Variants in MAOB observed in about 807,000 individuals in gnomAD.
MAOB encodes monoamine oxidase B.
MAOB carries 15 observed loss-of-function variants against 41.9 expected under a neutral mutation model. The ratio of observed to expected loss-of-function variants is 0.36; its 90% CI spans 0.24 to 0.55. The LOEUF is 0.55. Ranked by LOEUF, MAOB falls within the 20% of genes least tolerant of loss-of-function variation. The probability of loss-of-function intolerance (pLI) is 0.86; values close to 1 mark genes in which losing one functional copy is unlikely to be tolerated. For synonymous variants in MAOB, 167 were observed against 144.2 expected, an observed-to-expected ratio of 1.16 and a Z score of -1.13; for missense variants, 345 against 398.7, an observed-to-expected ratio of 0.87 and a Z score of 1.15.
intron 1 of MAOB, 97 bp downstream of exon 1, chrX:43,882,157 G>C: frequency 1.7e-6 from 2 of 1,148,844 alleles, no homozygotes; most frequent in South Asian, 4.1e-5. Context: ...GGGACTCCAG[G>C]GTCAGCCCCT....
intron 1 of MAOB, among the ~76,000 whole-genome samples, chrX:43,881,772 C>T (rs868346187): frequency 8.9e-6 from 1 of 112,204 alleles, no homozygotes; most frequent in Non-Finnish European, 1.9e-5. Flanking sequence ...ATCAGGAGGG[C>T]CTGGAAAGTC....
intron 1 of MAOB, among the ~76,000 whole-genome samples, chrX:43,876,248 C>A (rs1305176724): frequency 1.8e-5 from 2 of 111,939 alleles, no homozygotes; most frequent in Non-Finnish European, 3.8e-5. Flanking sequence ...GTGTGAGCCA[C>A]CATGCCTGGC....
At chrX:43,803,218 T>C (rs776859148) in intron 4 of MAOB, 82 bp downstream of exon 4, 104 of 864,682 alleles carry the variant, frequency 1.2e-4, no homozygotes, top group Non-Finnish European at 1.6e-4. Flanking sequence ...GTGCTAGGTG[T>C]TGGAGATATA....
Position 43,825,884 on chromosome X carries a change from AT to A in MAOB, c.279+12983del, listed in dbSNP as rs1360320681. On this transcript the variant is annotated intron_variant, in intron 3 of 14. Transcript: ENST00000378069. ...AAGTTTCAAGGAACATAATATATGA[AT>A]TTTTGTTACGTCTGAATTAACTTCA... is the stretch of plus-strand genomic sequence containing the variant. 1.2e-4 allele frequency among the ~76,000 whole-genome samples: 13 copies of A among 111,984 alleles called. 1 individual carries two copies. Among genetic ancestry groups the A allele is most frequent in the Non-Finnish European group, 1.7e-4 (9 of 53,253 alleles).
At chrX:43,861,254 A>G (rs149131148) in intron 1 of MAOB, among the ~76,000 whole-genome samples, 72 of 112,735 alleles carry the variant, frequency 6.4e-4, no homozygotes, top group Middle Eastern at 4.6e-3. Context: ...GAGTCAATTA[A>G]TTCACCTCAG....
chrX:43,864,214 T>C (rs1272674940), intron 1 of MAOB, among the ~76,000 whole-genome samples: 1 of 111,608 alleles, frequency 9.0e-6, no homozygotes, highest in African/African-American at 3.2e-5. Flanking sequence ...ATGCACACAT[T>C]AAATATATAC....
intron 1 of MAOB, among the ~76,000 whole-genome samples, chrX:43,849,337 G>A: frequency 8.9e-6 from 1 of 112,230 alleles, no homozygotes; most frequent in East Asian, 2.8e-4. Flanking sequence ...CAGGCAATCT[G>A]ACTCCAGATA....
intron 8 of MAOB, among the ~76,000 whole-genome samples, chrX:43,788,269 G>A (rs1038694628): frequency 4.5e-5 from 5 of 111,339 alleles, no homozygotes; most frequent in African/African-American, 1.6e-4. Context: ...GGAGGAGGAC[G>A]GCACCAAGAT....
chrX:43,776,012 A>G (rs775334900), intron 11 of MAOB, among the ~76,000 whole-genome samples: 14 of 112,470 alleles, frequency 1.2e-4, no homozygotes, highest in South Asian at 3.7e-4. Context: ...GACTTTGGAC[A>G]GTCATTTGTA....
At position 43,775,052 on chromosome X, in the gene MAOB, GTTGT is replaced by G. The variant is rs2034235414; in HGVS notation, c.1235+119_1235+122del. 6 of 695,489 alleles carry G rather than the reference GTTGT, an allele frequency of 8.6e-6. No homozygotes were observed. In the African/African-American group the frequency reaches 1.1e-4, roughly 12 times the overall value. 57.3% of individuals were successfully genotyped at this position (695,489 alleles called of 1,213,427 possible). ...ATTCATAAGATACAAAGGAAATTGG[GTTGT>G]TTTTTTTTTTTTTTTTTGTATTTAT... On this transcript the variant is annotated intron_variant, in intron 12 of 14. Transcript: ENST00000378069.
Position 43,780,409 on chromosome X carries a change from A to G in MAOB, c.1026-14T>C, listed in dbSNP as rs1461564394. On this transcript the variant is annotated splice_polypyrimidine_tract_variant and intron_variant, in intron 9 of 14. Transcript: ENST00000378069. ...GCCAGGATAAATCTAAAGAATATAA[A>G]CAAGAAAAAGGGGAGAAATTAATGG... 8.5e-7 allele frequency: 1 copy of G among 1,170,668 alleles called. No individual in the cohort carries two copies. The highest frequency in any genetic ancestry group is 1.2e-6 in the Non-Finnish European group (1 of 860,268).
At chrX:43,814,701 G>T (rs1168419047) in intron 3 of MAOB, among the ~76,000 whole-genome samples, 1 of 111,981 alleles carries the variant, frequency 8.9e-6, no homozygotes, top group African/African-American at 3.2e-5. Context: ...GCATGGGATG[G>T]TTGGATGGAT....
chrX:43,810,366 G>T (rs1242362879), intron 3 of MAOB, among the ~76,000 whole-genome samples: 1 of 108,588 alleles, frequency 9.2e-6, no homozygotes, highest in Non-Finnish European at 1.9e-5. Context: ...GTAAATTAAT[G>T]TCACTCACTC....
At chrX:43,817,265 A>G (rs1569220935) in intron 3 of MAOB, among the ~76,000 whole-genome samples, 1 of 109,813 alleles carries the variant, frequency 9.1e-6, no homozygotes, top group East Asian at 2.9e-4. Flanking sequence ...CATTACTTTT[A>G]CTGCTAGACA....
intron 1 of MAOB, among the ~76,000 whole-genome samples, chrX:43,853,267 C>CAA (rs397957481): frequency 0.01 from 260 of 25,971 alleles, 3 homozygotes; most frequent in South Asian, 0.018. Flanking sequence ...GAGTCCGTCT[C>CAA]AAAAAAAAAA....
intron 3 of MAOB, among the ~76,000 whole-genome samples, chrX:43,810,098 C>A (rs1160122243): frequency 9.9e-6 from 1 of 101,519 alleles, no homozygotes; most frequent in Non-Finnish European, 2.0e-5. Context: ...AAAAAATTAG[C>A]CGGGCGTGGT....
chrX:43,837,077 G>A (rs375251562), intron 3 of MAOB, among the ~76,000 whole-genome samples: 1 of 112,162 alleles, frequency 8.9e-6, no homozygotes, highest in Non-Finnish European at 1.9e-5. Flanking sequence ...CACAAAGACA[G>A]GCAAGTGAAT....
intron 1 of MAOB, among the ~76,000 whole-genome samples, chrX:43,869,901 C>T (rs1341867540): frequency 8.9e-6 from 1 of 112,088 alleles, no homozygotes; most frequent in East Asian, 2.8e-4. Flanking sequence ...TTTAATGACA[C>T]AAAGACCTCC....
Position 43,767,399 on chromosome X carries a change from A to G in MAOB, c.*67T>C, listed in dbSNP as rs2034124512. 22 of 1,084,450 alleles carry G rather than the reference A, an allele frequency of 2.0e-5. No individual in the cohort carries two copies. Among genetic ancestry groups the G allele is most frequent in the Admixed American group, 2.5e-5 (1 of 39,309 alleles). 89.4% of individuals were successfully genotyped at this position (1,084,450 alleles called of 1,213,427 possible). The stretch of plus-strand genomic sequence containing the variant: ...TTTGTCTTCATGGAACTTTACTGCA[A>G]CTCTTTCCCCAAACTCATATCCCAA... On this transcript the variant is annotated 3_prime_UTR_variant, in exon 15 of 15. Coordinates refer to ENST00000378069, the MANE Select transcript of MAOB (RefSeq NM_000898.5).
Sources: gnomAD v4.1 joint callset for allele counts (sites outside exome capture counted in the v4.1 genomes callset) on GRCh38, gnomAD v4.1.1 for gene constraint, MANE v1.5 for transcripts, NCBI Gene and HGNC (gene_info 2026-07-23, HGNC 2026-07-21) for gene names.